The following CCDC141 variants were observed in gnomAD, a reference collection of about 807,000 sequenced individuals.
CCDC141 encodes coiled-coil domain-containing protein 141.
Under a neutral mutation model 181.0 loss-of-function variants are expected in CCDC141, and 168 were observed. That is an observed-to-expected ratio of 0.93 (90% CI 0.82 to 1.05). CCDC141 has a LOEUF of 1.05. Ranked by LOEUF, CCDC141 falls within the 50% of genes least tolerant of loss-of-function variation. The pLI is 0.00. For synonymous variants in CCDC141, 666 were observed against 642.3 expected, an observed-to-expected ratio of 1.04 and a Z score of -0.56; for missense variants, 1,902 against 1,788.5, an observed-to-expected ratio of 1.06 and a Z score of -1.14.
In CCDC141 at chr2:178,989,641, T is replaced by TAAATAAAA. The variant is rs1553498055; in HGVS notation, c.226-10967_226-10966insTTTTATTT. On this transcript the variant is annotated intron_variant, in intron 2 of 23. Coordinates refer to ENST00000443758, the MANE Select transcript of CCDC141 (RefSeq NM_173648.4). ...ATAAATAAATAAATAAATAAATAAA[T>TAAATAAAA]AAAACAATAGAAAGGACAACAATAC... 3.4e-5 allele frequency among the ~76,000 whole-genome samples: 5 copies of TAAATAAAA among 146,046 alleles called. No homozygotes were observed. The East Asian group carries it at 8.3e-4, about 24-fold the overall frequency.
At chr2:178,965,546 A>G (rs1052356179) in intron 4 of CCDC141, among the ~76,000 whole-genome samples, 6 of 152,146 alleles carry the variant, frequency 3.9e-5, no homozygotes, top group African/African-American at 1.2e-4. Context: ...TCCCCTACCC[A>G]AGGGAAGCCG....
chr2:179,047,347 G>A lies in CCDC141; in HGVS notation c.162C>T (p.Gly54=), dbSNP rs1271986398. The A allele has an allele frequency of 1.9e-6, 3 of 1,541,472 alleles. No homozygotes were observed. The highest frequency in any genetic ancestry group is 5.0e-5 in the East Asian group (2 of 40,336). Residue 54 remains glycine (G), a synonymous_variant, in exon 2 of 24, where the codon GGC becomes GGT. Coordinates refer to ENST00000443758, the MANE Select transcript of CCDC141 (RefSeq NM_173648.4). The part of the protein sequence containing the change: ...AESQPNLLEI[G]SSQDETKKLL... ...GTTTTTTGGTTTCATCTTGACTGCT[G>A]CCAATTTCTAGAAGATTGGGCTGTG... is the stretch of plus-strand genomic sequence containing the variant.
intron 8 of CCDC141, among the ~76,000 whole-genome samples, chr2:178,903,656 A>G (rs1424523359): frequency 2.0e-5 from 3 of 151,742 alleles, no homozygotes; most frequent in Non-Finnish European, 4.4e-5. Flanking sequence ...ATGTAATGCT[A>G]AATGACGAGT....
intron 7 of CCDC141, among the ~76,000 whole-genome samples, chr2:178,906,175 A>T (rs1177902782): frequency 1.3e-5 from 2 of 152,212 alleles, no homozygotes; most frequent in Non-Finnish European, 2.9e-5. Context: ...GCAAACCAAG[A>T]TATTGTCTTG....
chr2:178,886,656 C>G, intron 10 of CCDC141, 96 bp downstream of exon 10: 1 of 774,396 alleles, frequency 1.3e-6, no homozygotes, highest in Middle Eastern at 3.9e-4. Context: ...GAATTGTAAA[C>G]CTCAAGTGAG....
chr2:178,845,823 CAT>C (rs1203294575), intron 21 of CCDC141, 81 bp from the exon 22 acceptor site: 25 of 813,952 alleles, frequency 3.1e-5, no homozygotes, highest in Non-Finnish European at 5.4e-5. Flanking sequence ...TGGAAGAAAA[CAT>C]AGACCACTTG....
downstream of CCDC141, among the ~76,000 whole-genome samples, chr2:178,826,962 T>C (rs1684134898): frequency 6.6e-6 from 1 of 152,144 alleles, no homozygotes; most frequent in South Asian, 2.1e-4. Context: ...AGGATGATTT[T>C]AGATTTTTTT....
At chr2:178,946,217 A>G (rs995230627) in intron 5 of CCDC141, among the ~76,000 whole-genome samples, 1 of 152,188 alleles carries the variant, frequency 6.6e-6, no homozygotes, top group African/African-American at 2.4e-5. Flanking sequence ...TATTGTGCTT[A>G]TGTATTTACA....
chr2:178,887,717 A>T (rs2154370836), intron 9 of CCDC141, among the ~76,000 whole-genome samples: 1 of 152,330 alleles, frequency 6.6e-6, no homozygotes, highest in South Asian at 2.1e-4. Context: ...CAATTTAAAT[A>T]CAGACATTGA....
At chr2:179,046,014 C>T (rs1263391483) in intron 2 of CCDC141, among the ~76,000 whole-genome samples, 2 of 152,114 alleles carry the variant, frequency 1.3e-5, no homozygotes, top group African/African-American at 4.8e-5. Context: ...TTACCACTGT[C>T]CAAGCAGAAA....
At chr2:178,959,361 G>T (rs932124302) in intron 5 of CCDC141, among the ~76,000 whole-genome samples, 2 of 152,018 alleles carry the variant, frequency 1.3e-5, no homozygotes, top group South Asian at 2.1e-4. Context: ...TAAAAGGAAG[G>T]TTCCTTTAAG....
chr2:178,984,242 ATACTT>A (rs1691595083), intron 2 of CCDC141, among the ~76,000 whole-genome samples: 1 of 148,772 alleles, frequency 6.7e-6, no homozygotes, highest in Non-Finnish European at 1.5e-5. Flanking sequence ...GAGAAATAAT[ATACTT>A]TACAGACAAG....
At position 178,871,492 on chromosome 2, in the gene CCDC141, C is replaced by T. The variant is rs757788800; in HGVS notation, c.2140G>A (p.Gly714Arg). The change falls in exon 14 of 24, where the codon GGA (glycine) becomes AGA (arginine). Residue 714 changes from glycine (G) to arginine (R), a missense_variant. By Grantham distance (125) the Gly-to-Arg change is moderately radical. Coordinates refer to ENST00000443758, the MANE Select transcript of CCDC141 (RefSeq NM_173648.4). Reference protein sequence around the residue: ...ALMPVSALDLGGSLQFILDLR... With the variant: ...ALMPVSALDLRGSLQFILDLR... ...TCTAAAATGAACTGGAGGCTCCCTC[C>T]GAGGTCAAGTGCAGACACAGGCATA... The T allele has an allele frequency of 1.6e-5, 26 of 1,613,818 alleles. No individual in the cohort carries two copies. The highest frequency in any genetic ancestry group is 4.5e-5 in the East Asian group (2 of 44,884).
At chr2:178,971,441 G>A (rs1690882795) in intron 4 of CCDC141, among the ~76,000 whole-genome samples, 1 of 152,160 alleles carries the variant, frequency 6.6e-6, no homozygotes, top group Non-Finnish European at 1.5e-5. Flanking sequence ...GAAAGGATGT[G>A]GAGAAATAGG....
intron 2 of CCDC141, among the ~76,000 whole-genome samples, chr2:178,987,297 C>T (rs983150799): frequency 2.0e-5 from 3 of 152,050 alleles, no homozygotes; most frequent in African/African-American, 7.2e-5. Context: ...CCCTTCCTTA[C>T]ACCATATACA....
intron 2 of CCDC141, among the ~76,000 whole-genome samples, chr2:179,032,568 A>C (rs1165950456): frequency 6.6e-6 from 1 of 152,136 alleles, no homozygotes; most frequent in African/African-American, 2.4e-5. Flanking sequence ...CAACCGGGAA[A>C]TACCAGAGCA....
intron 2 of CCDC141, among the ~76,000 whole-genome samples, chr2:178,981,658 A>ATATATATATATATATATATATATATC: frequency 1.3e-5 from 1 of 77,578 alleles, no homozygotes; most frequent in Non-Finnish European, 3.4e-5. Context: ...ATATATATAT[A>ATATATATATATATATATATATATATC]CATACATATA....
intron 2 of CCDC141, chr2:179,002,186 GA>G: frequency 4.1e-6 from 1 of 245,636 alleles, no homozygotes; most frequent in Non-Finnish European, 8.0e-6. Context: ...GTGAAGAATG[GA>G]AGGATTATGT....
chr2:178,837,239 A>C lies in CCDC141; in HGVS notation c.3980T>G (p.Val1327Gly), dbSNP rs1355034758. Reference protein sequence around the residue: ...AEHPESMMSEVHERALQQHPQ... With the variant: ...AEHPESMMSEGHERALQQHPQ... The stretch of plus-strand genomic sequence containing the variant: ...GTGCTGCTGTAAAGCTCTCTCATGC[A>C]CTTCACTCATCATGCTCTCTGGATG... The change falls in exon 23 of 24, where the codon GTG (valine) becomes GGG (glycine). Residue 1327 changes from valine to glycine, a missense_variant. Physicochemically the swap from Val to Gly is moderately radical, Grantham distance 109. Transcript: ENST00000443758. 7 of 1,613,960 alleles carry C rather than the reference A, an allele frequency of 4.3e-6. No individual in the cohort carries two copies. The Admixed American group carries it at 8.3e-5, about 19-fold the overall frequency.
Sources: gnomAD v4.1 joint callset for allele counts (sites outside exome capture counted in the v4.1 genomes callset) on GRCh38, gnomAD v4.1.1 for gene constraint, MANE v1.5 for transcripts, NCBI Gene and HGNC (gene_info 2026-07-23, HGNC 2026-07-21) for gene names.